DACH2: variants seen among roughly 807,000 people sequenced by gnomAD.
The protein encoded by DACH2 is dachshund homolog 2.
A neutral mutation model predicts 35.8 loss-of-function variants in DACH2; 17 were observed. That is an observed-to-expected ratio of 0.48 (90% CI 0.33 to 0.71). DACH2 has a LOEUF of 0.71. Ranked by LOEUF, DACH2 falls within the 30% of genes least tolerant of loss-of-function variation. DACH2 has a pLI of 0.02. For missense variants in DACH2, 469 were observed against 472.7 expected (o/e 0.99, Z 0.07); for synonymous variants, 195 against 177.3 (o/e 1.10, Z -0.79).
intron 3 of DACH2, among the ~76,000 whole-genome samples, chrX:86,578,442 C>T: frequency 9.0e-6 from 1 of 110,991 alleles, no homozygotes; most frequent in Non-Finnish European, 1.9e-5. Flanking sequence ...CACTAAAATC[C>T]ATTATTTACT....
rs148548683 is a variant in DACH2 at position 86,742,994 on chromosome X, C to T, written c.1240+3112C>T. The stretch of plus-strand genomic sequence containing the variant: ...CCCTCTTACTATGCCAGCTCAGAGA[C>T]ATCTGACTCCCTTTGTATTACATAT... On this transcript the variant is annotated intron_variant, in intron 7 of 11. Coordinates refer to ENST00000373125, the MANE Select transcript of DACH2 (RefSeq NM_053281.3). 5.3e-3 allele frequency among the ~76,000 whole-genome samples: 595 copies of T among 111,642 alleles called. 8 individuals carry two copies. Among genetic ancestry groups the T allele is most frequent in the African/African-American group, 0.018 (561 of 30,855 alleles).
chrX:86,265,488 C>A (rs1569321532), intron 1 of DACH2, among the ~76,000 whole-genome samples: 1 of 111,265 alleles, frequency 9.0e-6, no homozygotes, highest in Non-Finnish European at 1.9e-5. Flanking sequence ...TTTTTCATTT[C>A]TCCTCGAATC....
intron 3 of DACH2, among the ~76,000 whole-genome samples, chrX:86,538,409 C>A (rs1034080948): frequency 1.8e-5 from 2 of 112,014 alleles, no homozygotes; most frequent in African/African-American, 6.5e-5. Flanking sequence ...AGTTCCAAAT[C>A]TTCTTTTACA....
At chrX:86,777,949 T>C (rs1320659677) in intron 7 of DACH2, among the ~76,000 whole-genome samples, 1 of 111,685 alleles carries the variant, frequency 9.0e-6, no homozygotes, top group Non-Finnish European at 1.9e-5. Context: ...TAAAAAAATA[T>C]GGATTTGAGT....
At chrX:86,307,053 C>G (rs2034702844) in intron 1 of DACH2, among the ~76,000 whole-genome samples, 1 of 111,735 alleles carries the variant, frequency 8.9e-6, no homozygotes, top group Non-Finnish European at 1.9e-5. Flanking sequence ...TGATTCACTG[C>G]TCATGAAAGG....
rs762563469 is a variant in DACH2, at chrX:86,771,696, T to G, written c.1240+31814T>G. Among the ~76,000 whole-genome samples, 5 of 112,014 alleles carry G rather than the reference T, an allele frequency of 4.5e-5. No individual in the cohort carries two copies. In the East Asian group the frequency reaches 1.4e-3, roughly 31 times the overall value. The stretch of plus-strand genomic sequence containing the variant: ...AACCCAAGTTTTCTCATGACGCTGC[T>G]TCTTTTGTGGAAGGCTGCATTTTAC... On this transcript the variant is annotated intron_variant, in intron 7 of 11. Coordinates refer to ENST00000373125, the MANE Select transcript of DACH2 (RefSeq NM_053281.3).
chrX:86,508,132 C>T (rs1332718323), intron 2 of DACH2, among the ~76,000 whole-genome samples: 1 of 111,777 alleles, frequency 8.9e-6, no homozygotes, highest in African/African-American at 3.3e-5. Flanking sequence ...ATTTCTTATC[C>T]ATTCATCATA....
intron 3 of DACH2, among the ~76,000 whole-genome samples, chrX:86,596,947 T>C (rs569475740): frequency 2.7e-5 from 3 of 111,583 alleles, no homozygotes; most frequent in South Asian, 7.5e-4. Context: ...TAACCACATA[T>C]TTATAGGTCT....
intron 1 of DACH2, among the ~76,000 whole-genome samples, chrX:86,255,471 T>A (rs942743514): frequency 6.3e-5 from 7 of 111,763 alleles, no homozygotes; most frequent in Non-Finnish European, 1.1e-4. Flanking sequence ...AGGTGCAGTG[T>A]GTAGTAAAAC....
At chrX:86,420,428 T>A (rs187462720) in intron 2 of DACH2, among the ~76,000 whole-genome samples, 1,540 of 112,125 alleles carry the variant, frequency 0.014, 15 homozygotes, top group Non-Finnish European at 0.024. Context: ...TACATAATTA[T>A]GAATTTGCAT....
At chrX:86,396,889 T>C (rs906113095) in intron 2 of DACH2, among the ~76,000 whole-genome samples, 9 of 111,041 alleles carry the variant, frequency 8.1e-5, no homozygotes, top group Admixed American at 1.9e-4. Flanking sequence ...TTTGGTTCCA[T>C]ATGAACTTTA....
chrX:86,522,107 T>C (rs1464273075), intron 3 of DACH2, among the ~76,000 whole-genome samples: 2 of 111,941 alleles, frequency 1.8e-5, no homozygotes, highest in Non-Finnish European at 3.8e-5. Flanking sequence ...CTCTTGGTTA[T>C]ATTTTTCCTA....
intron 7 of DACH2, among the ~76,000 whole-genome samples, chrX:86,765,585 G>A (rs1287302182): frequency 1.8e-5 from 2 of 108,648 alleles, no homozygotes; most frequent in Non-Finnish European, 3.8e-5. Flanking sequence ...TGTTCCATTG[G>A]TCTATATGTA....
At chrX:86,611,222 G>A (rs896848881) in intron 3 of DACH2, among the ~76,000 whole-genome samples, 2 of 110,742 alleles carry the variant, frequency 1.8e-5, no homozygotes, top group African/African-American at 6.6e-5. Flanking sequence ...GGGAGGTAGG[G>A]CATGGAATGG....
chrX:86,363,771 G>T (rs189715647), intron 1 of DACH2, among the ~76,000 whole-genome samples: 1,566 of 111,275 alleles, frequency 0.014, 23 homozygotes, highest in African/African-American at 0.048. Flanking sequence ...TTGTATGTAG[G>T]TTTACATTCT....
At chrX:86,597,263 C>T (rs948240979) in intron 3 of DACH2, among the ~76,000 whole-genome samples, 2 of 111,839 alleles carry the variant, frequency 1.8e-5, no homozygotes, top group Non-Finnish European at 3.8e-5. Context: ...AAATCATGAA[C>T]ACAGGATGTC....
intron 1 of DACH2, among the ~76,000 whole-genome samples, chrX:86,164,533 A>ACTAG (rs1420745684): frequency 3.6e-5 from 4 of 111,204 alleles, no homozygotes; most frequent in Non-Finnish European, 7.6e-5. Context: ...GATGGTATTG[A>ACTAG]CTAGGTTGTC....
intron 4 of DACH2, among the ~76,000 whole-genome samples, 170 bp from the exon 5 acceptor site, chrX:86,694,851 C>T (rs2041048577): frequency 8.9e-6 from 1 of 111,738 alleles, no homozygotes; most frequent in Non-Finnish European, 1.9e-5. Flanking sequence ...AGGCAGCTTA[C>T]ATCTCTAGAC....
intron 2 of DACH2, among the ~76,000 whole-genome samples, chrX:86,397,775 T>C (rs1370132623): frequency 1.8e-5 from 2 of 111,862 alleles, no homozygotes; most frequent in African/African-American, 3.3e-5. Flanking sequence ...TTTTGATGTG[T>C]TGCTGGATTC....
Sources: gnomAD v4.1 joint callset for allele counts (sites outside exome capture counted in the v4.1 genomes callset) on GRCh38, gnomAD v4.1.1 for gene constraint, MANE v1.5 for transcripts, NCBI Gene and HGNC (gene_info 2026-07-23, HGNC 2026-07-21) for gene names.